Variants in IL1RAPL1 observed in about 807,000 individuals in gnomAD.
IL1RAPL1 encodes interleukin 1 receptor accessory protein like 1.
In IL1RAPL1, 3 loss-of-function variants were observed where a neutral mutation model predicts 48.4. That is an observed-to-expected ratio of 0.06 (90% confidence interval 0.03 to 0.16). The LOEUF (loss-of-function observed/expected upper bound fraction) is 0.16. Ranked by LOEUF, IL1RAPL1 falls within the 10% of genes least tolerant of loss-of-function variation. The pLI is 1.00. For missense variants in IL1RAPL1, 349 were observed against 530.6 expected, an observed-to-expected ratio of 0.66 and a Z score of 3.36; for synonymous variants, 185 against 187.7, an observed-to-expected ratio of 0.99 and a Z score of 0.12.
At chrX:29,866,221 G>GTCAT (rs1473774896) in intron 6 of IL1RAPL1, among the ~76,000 whole-genome samples, 4 of 110,826 alleles carry the variant, frequency 3.6e-5, no homozygotes, top group Admixed American at 2.9e-4. Context: ...TACCTAATAC[G>GTCAT]TCATTCATTC....
chrX:28,757,932 G>A (rs1243771844), intron 1 of IL1RAPL1, among the ~76,000 whole-genome samples: 1 of 112,120 alleles, frequency 8.9e-6, no homozygotes, highest in African/African-American at 3.2e-5. Context: ...GGAAAAGTAA[G>A]CATTAAAATT....
intron 3 of IL1RAPL1, among the ~76,000 whole-genome samples, chrX:29,367,092 A>G (rs1933472759): frequency 9.0e-6 from 1 of 111,598 alleles, no homozygotes. Flanking sequence ...TGTGGAAATC[A>G]TGTGTAATTA....
rs778402045 is a variant in IL1RAPL1 at position 28,734,386 on chromosome X, A to G, written c.-24-54934A>G. On this transcript the variant is annotated intron_variant, in intron 1 of 10. Coordinates refer to ENST00000378993, the MANE Select transcript of IL1RAPL1 (RefSeq NM_014271.4). ...TGTCATCTACTCCTATTTTCCCTGT[A>G]ATTTGTGTTACTCTAGCCACAGTGA... is the stretch of plus-strand genomic sequence containing the variant. 6.3e-5 allele frequency among the ~76,000 whole-genome samples: 7 copies of G among 110,907 alleles called. No individual in the cohort carries two copies. In the South Asian group the frequency reaches 2.7e-3, roughly 43 times the overall value.
chrX:28,721,302 A>G (rs1369806589), intron 1 of IL1RAPL1, among the ~76,000 whole-genome samples: 6 of 111,872 alleles, frequency 5.4e-5, no homozygotes, highest in African/African-American at 1.3e-4. Flanking sequence ...GGTGTGAGAT[A>G]ATATCTCATT....
chrX:29,177,833 A>T (rs1366567932), intron 2 of IL1RAPL1, among the ~76,000 whole-genome samples: 2 of 111,011 alleles, frequency 1.8e-5, no homozygotes, highest in Non-Finnish European at 3.8e-5. Flanking sequence ...TATGAGTGAG[A>T]ATATGTCGTG....
At chrX:28,744,339 A>T (rs1018732635) in intron 1 of IL1RAPL1, among the ~76,000 whole-genome samples, 1 of 111,607 alleles carries the variant, frequency 9.0e-6, no homozygotes, top group African/African-American at 3.3e-5. Context: ...AAACTTATTT[A>T]TATTAATGCA....
intron 6 of IL1RAPL1, among the ~76,000 whole-genome samples, chrX:29,774,590 TA>T (rs1374436095): frequency 8.9e-6 from 1 of 112,383 alleles, no homozygotes; most frequent in African/African-American, 3.2e-5. Flanking sequence ...ATATAATTTT[TA>T]TACGTAAAAT....
At chrX:28,715,964 A>G (rs112928634) in intron 1 of IL1RAPL1, among the ~76,000 whole-genome samples, 1,214 of 112,070 alleles carry the variant, frequency 0.011, 12 homozygotes, top group African/African-American at 0.037. Context: ...CCAGCAACAC[A>G]TCAAAAAGCT....
chrX:29,322,305 C>T (rs929709143), intron 3 of IL1RAPL1, among the ~76,000 whole-genome samples: 7 of 106,464 alleles, frequency 6.6e-5, no homozygotes, highest in African/African-American at 1.0e-4. Context: ...TCTTTCTTGT[C>T]GCCCAGGCTG....
chrX:29,559,697 T>A (rs987603237), intron 5 of IL1RAPL1, among the ~76,000 whole-genome samples: 2 of 110,795 alleles, frequency 1.8e-5, no homozygotes, highest in Non-Finnish European at 3.8e-5. Flanking sequence ...TCATTGTGGT[T>A]ACCATGAGGT....
At chrX:28,895,107 C>G (rs1922877157) in intron 2 of IL1RAPL1, among the ~76,000 whole-genome samples, 1 of 110,297 alleles carries the variant, frequency 9.1e-6, no homozygotes, top group African/African-American at 3.3e-5. Context: ...CGTTTGAGAT[C>G]TAGAACAGAA....
chrX:29,189,900 G>A (rs1930320812), intron 2 of IL1RAPL1, among the ~76,000 whole-genome samples: 1 of 111,734 alleles, frequency 8.9e-6, no homozygotes, highest in Non-Finnish European at 1.9e-5. Context: ...GCCACACATT[G>A]TATGAGGCAT....
intron 5 of IL1RAPL1, among the ~76,000 whole-genome samples, chrX:29,599,808 A>G (rs1040316777): frequency 1.8e-5 from 2 of 111,359 alleles, no homozygotes; most frequent in African/African-American, 6.5e-5. Context: ...ATTCATTTCT[A>G]TTGGTGAGAC....
intron 5 of IL1RAPL1, among the ~76,000 whole-genome samples, chrX:29,661,166 A>T (rs1235378587): frequency 8.9e-6 from 1 of 112,341 alleles, no homozygotes. Context: ...TTGTATGTTG[A>T]TTATTATCCT....
intron 5 of IL1RAPL1, among the ~76,000 whole-genome samples, chrX:29,448,097 G>A (rs184538118): frequency 8.9e-6 from 1 of 112,001 alleles, no homozygotes; most frequent in Admixed American, 9.5e-5. Flanking sequence ...ATAACATTAC[G>A]TCATAGGAGA....
In IL1RAPL1 at chrX:29,723,100, C is replaced by T. The variant is rs6628474; in HGVS notation, c.778+54596C>T. Among the ~76,000 whole-genome samples, 558 of 111,954 alleles carry T rather than the reference C, an allele frequency of 5.0e-3. 5 individuals are homozygous for T. The highest frequency in any genetic ancestry group is 0.022 in the East Asian group (78 of 3,566). On this transcript the variant is annotated intron_variant, in intron 6 of 10. Coordinates refer to ENST00000378993, the MANE Select transcript of IL1RAPL1 (RefSeq NM_014271.4). ...GTCTATTTTCAGACTTTTTATCAGA[C>T]CGGATAGAATGAGGATCTTACCAAT...
At chrX:29,760,819 T>C (rs1160636394) in intron 6 of IL1RAPL1, among the ~76,000 whole-genome samples, 1 of 112,181 alleles carries the variant, frequency 8.9e-6, no homozygotes, top group Non-Finnish European at 1.9e-5. Flanking sequence ...GTTATGATGA[T>C]ACTAAGGCAC....
At chrX:28,608,840 C>CCAAAAAGGACCA (rs1934114578) in intron 1 of IL1RAPL1, among the ~76,000 whole-genome samples, 1 of 111,343 alleles carries the variant, frequency 9.0e-6, no homozygotes, top group African/African-American at 3.3e-5. Context: ...CAAAAATGGA[C>CCAAAAAGGACCA]ATAATTTAGA....
At chrX:29,833,227 A>T (rs1488560623) in intron 6 of IL1RAPL1, among the ~76,000 whole-genome samples, 1 of 111,940 alleles carries the variant, frequency 8.9e-6, no homozygotes, top group Non-Finnish European at 1.9e-5. Context: ...ACACATATGC[A>T]CACATGCACA....
Sources: gnomAD v4.1 joint callset for allele counts (sites outside exome capture counted in the v4.1 genomes callset) on GRCh38, gnomAD v4.1.1 for gene constraint, MANE v1.5 for transcripts, NCBI Gene and HGNC (gene_info 2026-07-23, HGNC 2026-07-21) for gene names.